The following ZFHX3 variants were observed in gnomAD, a reference collection of about 807,000 sequenced individuals.
ZFHX3 encodes the protein zinc finger homeobox protein 3.
ZFHX3 carries 42 observed loss-of-function variants against 279.1 expected under a neutral mutation model. The ratio of observed to expected loss-of-function variants is 0.15; its 90% CI spans 0.12 to 0.19. The LOEUF (loss-of-function observed/expected upper bound fraction) is 0.19, where lower values mean the gene tolerates loss of function less well. Ranked by LOEUF, ZFHX3 falls within the 10% of genes least tolerant of loss-of-function variation. The pLI, the probability that ZFHX3 is intolerant of heterozygous loss-of-function variation, is 1.00. For missense variants in ZFHX3, 4,981 were observed against 4,754.0 expected (o/e 1.05, Z -1.40); for synonymous variants, 2,293 against 1,957.8 (o/e 1.17, Z -4.52).
chr16:73,438,814 T>C (rs1488336195), intron 3 of ZFHX3, among the ~76,000 whole-genome samples: 1 of 152,206 alleles, frequency 6.6e-6, no homozygotes, highest in African/African-American at 2.4e-5. Flanking sequence ...AATTTTCTTT[T>C]TGGAAACTTC....
intron 1 of ZFHX3, among the ~76,000 whole-genome samples, chr16:73,727,016 C>A (rs921674564): frequency 6.6e-6 from 1 of 152,152 alleles, no homozygotes; most frequent in Non-Finnish European, 1.5e-5. Context: ...AAGCTCAGGA[C>A]TAGAGGTAGG....
At chr16:73,450,456 T>TA (rs11449684) in intron 3 of ZFHX3, among the ~76,000 whole-genome samples, 18,982 of 151,308 alleles carry the variant, frequency 0.13, 1,419 homozygotes, top group East Asian at 0.26. Context: ...GTCATTTTTA[T>TA]AAAAAAAAAG....
At chr16:72,934,198 G>A (rs1959985502) in intron 3 of ZFHX3, among the ~76,000 whole-genome samples, 1 of 152,184 alleles carries the variant, frequency 6.6e-6, no homozygotes, top group Admixed American at 6.5e-5. Context: ...GCTGAGGCAG[G>A]AGGATCACTT....
At chr16:73,174,266 AAAC>A (rs140975222) in intron 5 of ZFHX3, among the ~76,000 whole-genome samples, 18,605 of 148,978 alleles carry the variant, frequency 0.12, 1,246 homozygotes, top group East Asian at 0.21. Context: ...TGTTCACACA[AAAC>A]AACAACAACA....
chr16:73,605,612 T>A (rs2052169494), intron 2 of ZFHX3, among the ~76,000 whole-genome samples: 1 of 151,434 alleles, frequency 6.6e-6, no homozygotes, highest in African/African-American at 2.4e-5. Flanking sequence ...AGCAAGCGGA[T>A]ATCTGCTTAC....
intron 1 of ZFHX3, among the ~76,000 whole-genome samples, chr16:73,781,456 T>A (rs1280834439): frequency 6.6e-6 from 1 of 152,094 alleles, no homozygotes; most frequent in African/African-American, 2.4e-5. Flanking sequence ...CTGCTTGTAT[T>A]TGTAAGTCAC....
At chr16:73,281,161 A>T (rs1274584623) in intron 4 of ZFHX3, among the ~76,000 whole-genome samples, 1 of 152,148 alleles carries the variant, frequency 6.6e-6, no homozygotes, top group Non-Finnish European at 1.5e-5. Flanking sequence ...AATCAGTATG[A>T]TGGAAAGATA....
At chr16:72,968,557 T>G (rs1597032782) in intron 1 of ZFHX3, among the ~76,000 whole-genome samples, 1 of 150,520 alleles carries the variant, frequency 6.6e-6, no homozygotes, top group Admixed American at 6.7e-5. Context: ...GTCGCCCAGG[T>G]TCAAGCAATT....
At chr16:73,721,950 T>C (rs1452559473) in intron 1 of ZFHX3, among the ~76,000 whole-genome samples, 1 of 152,114 alleles carries the variant, frequency 6.6e-6, no homozygotes, top group African/African-American at 2.4e-5. Flanking sequence ...GAGACTGAGG[T>C]GCAAGGACTG....
intron 2 of ZFHX3, among the ~76,000 whole-genome samples, chr16:73,569,658 A>G (rs770720168): frequency 6.6e-6 from 1 of 152,184 alleles, no homozygotes; most frequent in Non-Finnish European, 1.5e-5. Context: ...ACTTCCATGC[A>G]TTCCTAAAAA....
intron 3 of ZFHX3, among the ~76,000 whole-genome samples, chr16:73,336,700 T>G (rs1273219926): frequency 6.6e-6 from 1 of 152,134 alleles, no homozygotes; most frequent in Non-Finnish European, 1.5e-5. Context: ...TGAATATACG[T>G]GCACATGTGT....
Position 73,219,102 on chromosome 16 carries a change from G to C in ZFHX3, c.-1104+37945C>G, listed in dbSNP as rs377487649. On this transcript the variant is annotated intron_variant, in intron 5 of 17. Coordinates refer to the ZFHX3 transcript ENST00000641206. Reference sequence around the variant, plus strand: ...AACCTAATGTCTTCAAGGTTCATTCGTATTGAAGCATGTATCAGAACTTCA... The same window carrying C: ...AACCTAATGTCTTCAAGGTTCATTCCTATTGAAGCATGTATCAGAACTTCA... Among the ~76,000 whole-genome samples the C allele has an allele frequency of 6.7e-4, 102 of 152,234 alleles. 1 individual carries two copies. The highest frequency in any genetic ancestry group is 1.7e-3 in the African/African-American group (69 of 41,556).
chr16:72,851,560 CTT>C (rs765929247), intron 4 of ZFHX3, among the ~76,000 whole-genome samples: 1 of 146,426 alleles, frequency 6.8e-6, no homozygotes. Flanking sequence ...TCCAATTTCA[CTT>C]TTTTTTTTTT....
intron 3 of ZFHX3, among the ~76,000 whole-genome samples, chr16:72,923,304 G>GCAC (rs1959247608): frequency 6.6e-6 from 1 of 152,080 alleles, no homozygotes; most frequent in African/African-American, 2.4e-5. Flanking sequence ...AGTTAGCTGG[G>GCAC]CGGGGTGGTG....
chr16:73,331,854 C>T (rs1158275407), intron 3 of ZFHX3, among the ~76,000 whole-genome samples: 2 of 152,050 alleles, frequency 1.3e-5, no homozygotes, highest in Admixed American at 1.3e-4. Flanking sequence ...AGACGTGCCA[C>T]GAGTAAAGCT....
At chr16:72,848,845 G>A (rs533380539) in intron 4 of ZFHX3, among the ~76,000 whole-genome samples, 3 of 152,080 alleles carry the variant, frequency 2.0e-5, no homozygotes, top group South Asian at 2.1e-4. Context: ...GCTTAGTCAC[G>A]GAACGTCACC....
intron 1 of ZFHX3, among the ~76,000 whole-genome samples, chr16:73,699,629 G>T (rs531040931): frequency 1.3e-5 from 2 of 152,308 alleles, no homozygotes; most frequent in African/African-American, 4.8e-5. Context: ...AAATGCCATT[G>T]TAAGTGTATT....
intron 1 of ZFHX3, among the ~76,000 whole-genome samples, chr16:73,848,051 G>A (rs1329128884): frequency 1.3e-5 from 2 of 151,380 alleles, no homozygotes; most frequent in African/African-American, 2.4e-5. Flanking sequence ...GAGCCACCGC[G>A]CCCGGCCAAT....
At chr16:73,481,364 G>C (rs569820150) in intron 2 of ZFHX3, among the ~76,000 whole-genome samples, 1 of 151,518 alleles carries the variant, frequency 6.6e-6, no homozygotes, top group East Asian at 1.9e-4. Context: ...AAATCCAGAA[G>C]TTCTGCCAGC....
Sources: gnomAD v4.1 joint callset for allele counts (sites outside exome capture counted in the v4.1 genomes callset) on GRCh38, gnomAD v4.1.1 for gene constraint, MANE v1.5 for transcripts, NCBI Gene and HGNC (gene_info 2026-07-23, HGNC 2026-07-21) for gene names.